Variants in UNC13A observed in about 807,000 individuals in gnomAD.
The protein encoded by UNC13A is protein unc-13 homolog A.
Under a neutral mutation model 219.7 loss-of-function variants are expected in UNC13A, and 61 were observed. That is an observed-to-expected ratio of 0.28 (90% CI 0.23 to 0.34). The LOEUF (loss-of-function observed/expected upper bound fraction) is 0.34, where lower values mean the gene tolerates loss of function less well. Ranked by LOEUF, UNC13A falls within the 10% of genes least tolerant of loss-of-function variation. The pLI, the probability that UNC13A is intolerant of heterozygous loss-of-function variation, is 1.00. For missense variants in UNC13A, 1,476 were observed against 2,270.3 expected, an observed-to-expected ratio of 0.65 and a Z score of 7.11; for synonymous variants, 920 against 884.6, an observed-to-expected ratio of 1.04 and a Z score of -0.71.
chr19:17,633,047 G>A (rs2076874011), intron 27 of UNC13A, 61 bp downstream of exon 27: 1 of 1,608,330 alleles, frequency 6.2e-7, no homozygotes. Context: ...CCTTGGAGGG[G>A]ACACAGAGGT....
chr19:17,662,520 A>G (rs757509130), intron 8 of UNC13A, among the ~76,000 whole-genome samples: 7 of 152,180 alleles, frequency 4.6e-5, no homozygotes, highest in Non-Finnish European at 8.8e-5. Context: ...GTGAACTTGA[A>G]TCATCCAGAA....
At chr19:17,617,954 T>C in intron 40 of UNC13A, 105 bp from the exon 41 acceptor site, 2 of 1,428,042 alleles carry the variant, frequency 1.4e-6, no homozygotes, top group Non-Finnish European at 1.9e-6. Flanking sequence ...CCGCTACTAC[T>C]TTCTCACCTC....
intron 11 of UNC13A, among the ~76,000 whole-genome samples, chr19:17,653,725 G>A (rs553091760): frequency 2.0e-5 from 3 of 151,656 alleles, no homozygotes; most frequent in African/African-American, 7.3e-5. Context: ...ACTCCTGAGT[G>A]CAAGTGAGCC....
rs7250113 is a variant in UNC13A at position 17,604,374 on chromosome 19, T to C, written c.*1680A>G. 0.18 allele frequency: 27,400 copies of C among 152,312 alleles called. 2,832 individuals are homozygous for C. Among genetic ancestry groups the C allele is most frequent in the Non-Finnish European group, 0.24 (16,565 of 68,104 alleles). 9.4% of individuals were successfully genotyped at this position (152,312 alleles called of 1,614,324 possible). On this transcript the variant is annotated 3_prime_UTR_variant, in exon 44 of 44. Transcript: ENST00000519716. Reference sequence around the variant, plus strand: ...ACCCCAAGGCTCCTCACGATCCCCCTTGCTGGCTCAGCTCCAGCCGTGCCA... The same window carrying C: ...ACCCCAAGGCTCCTCACGATCCCCCCTGCTGGCTCAGCTCCAGCCGTGCCA...
chr19:17,676,330 A>G (rs531837882), intron 1 of UNC13A, among the ~76,000 whole-genome samples: 7 of 152,058 alleles, frequency 4.6e-5, no homozygotes, highest in Admixed American at 1.3e-4. Context: ...CCTAGAATGG[A>G]AGGAAATTTG....
chr19:17,629,058 A>G (rs1461122003), intron 31 of UNC13A, among the ~76,000 whole-genome samples, 182 bp downstream of exon 31: 2 of 152,082 alleles, frequency 1.3e-5, no homozygotes, highest in African/African-American at 2.4e-5. Context: ...AGACACACAC[A>G]ACTAGATACA....
Position 17,649,723 on chromosome 19 carries a change from A to G in UNC13A, c.1440-136T>C, listed in dbSNP as rs1280833497. 2.3e-6 allele frequency: 2 copies of G among 872,712 alleles called. No individual in the cohort carries two copies. Among genetic ancestry groups the G allele is most frequent in the African/African-American group, 1.7e-5 (1 of 59,730 alleles). The allele number at this position is 872,712 out of a possible 1,614,324, so 54.1% of individuals were successfully genotyped here. On this transcript the variant is annotated intron_variant, in intron 12 of 43. Coordinates refer to ENST00000519716, the MANE Select transcript of UNC13A (RefSeq NM_001080421.3). The surrounding 1 kb of genome is among the most constrained non-coding windows in gnomAD (Gnocchi z 4.4). ...CAAAAAAAAGATACGCTGATGCCCT[A>G]ACCCCCACTACCTCAGAAGGTGACC... is the stretch of plus-strand genomic sequence containing the variant.
At position 17,601,890 on chromosome 19, in the gene UNC13A, C is replaced by G. The variant is rs1004629771; in HGVS notation, c.*4164G>C. 6.6e-6 allele frequency: 1 copy of G among 152,648 alleles called. No homozygotes were observed. Among genetic ancestry groups the G allele is most frequent in the African/African-American group, 2.4e-5 (1 of 41,452 alleles). The allele number at this position is 152,648 out of a possible 1,614,324, so 9.5% of individuals were successfully genotyped here. A position where few individuals can be genotyped will look rare whatever the true frequency, so the allele number is the denominator to read the frequency against. Reference sequence around the variant, plus strand: ...CCTCAACGATTCTTAGGAAAGGATTCTGGGGAGCAGACGGGGTTGTGATCC... The same window carrying G: ...CCTCAACGATTCTTAGGAAAGGATTGTGGGGAGCAGACGGGGTTGTGATCC... On this transcript the variant is annotated 3_prime_UTR_variant, in exon 44 of 44. Coordinates refer to ENST00000519716, the MANE Select transcript of UNC13A (RefSeq NM_001080421.3).
chr19:17,619,190 G>T (rs2076700413), intron 38 of UNC13A: 1 of 562,482 alleles, frequency 1.8e-6, no homozygotes, highest in South Asian at 2.4e-5. Flanking sequence ...CCCCACCCAG[G>T]CTTGTGTAAC....
intron 33 of UNC13A, 66 bp from the exon 34 acceptor site, chr19:17,626,851 T>C: frequency 1.3e-6 from 2 of 1,538,138 alleles, no homozygotes; most frequent in African/African-American, 2.7e-5. Context: ...GATGCTGATC[T>C]GTGGTCCTTG....
intron 19 of UNC13A, among the ~76,000 whole-genome samples, chr19:17,644,904 C>T (rs1303649086): frequency 3.9e-5 from 6 of 152,008 alleles, no homozygotes; most frequent in Admixed American, 3.9e-4. Context: ...GTTGCCCAGG[C>T]TGGTCTTGAA....
chr19:17,610,142 G>A (rs12185484), intron 42 of UNC13A, 43 bp from the exon 43 acceptor site: 1 of 1,610,094 alleles, frequency 6.2e-7, no homozygotes, highest in Non-Finnish European at 8.5e-7. Context: ...GGTTCTCCCA[G>A]TTGGAAAAAG....
intron 34 of UNC13A, 58 bp from the exon 35 acceptor site, chr19:17,625,010 C>T: frequency 1.9e-6 from 3 of 1,581,648 alleles, no homozygotes; most frequent in Non-Finnish European, 2.6e-6. Context: ...CACAGATCAC[C>T]TTCCCTTAAC....
At chr19:17,672,292 TA>T in intron 4 of UNC13A, 85 bp downstream of exon 4, 1 of 1,065,116 alleles carries the variant, frequency 9.4e-7, no homozygotes, top group Non-Finnish European at 1.4e-6. Context: ...GGATAGGAGA[TA>T]AATGCCCATC....
In UNC13A at chr19:17,606,004, C is replaced by T. The variant is rs2076521218; in HGVS notation, c.*50G>A. The T allele has an allele frequency of 1.4e-6, 2 of 1,383,998 alleles. No homozygotes were observed. The highest frequency in any genetic ancestry group is 3.9e-5 in the Admixed American group (1 of 25,412). The allele number at this position is 1,383,998 out of a possible 1,614,324, so 85.7% of individuals were successfully genotyped here. On this transcript the variant is annotated 3_prime_UTR_variant, in exon 44 of 44. Coordinates refer to ENST00000519716, the MANE Select transcript of UNC13A (RefSeq NM_001080421.3). ...CCAAGGCGCAAGCCCCGTCCCTCCC[C>T]GCCCAGCGCCCTCCGCGCAGGCGCA... is the stretch of plus-strand genomic sequence containing the variant.
intron 34 of UNC13A, chr19:17,626,378 A>C (rs536681698): frequency 3.3e-5 from 15 of 448,406 alleles, no homozygotes; most frequent in African/African-American, 2.6e-4. Context: ...CCATGCGTCC[A>C]CCCACCTACC....
chr19:17,673,225 T>C (rs2079824167), intron 3 of UNC13A, among the ~76,000 whole-genome samples: 1 of 150,172 alleles, frequency 6.7e-6, no homozygotes, highest in African/African-American at 2.5e-5. Context: ...GGCGTGGTGG[T>C]GCATGTCTGT....
Position 17,606,076 on chromosome 19 carries a change from C to G in UNC13A, c.5090G>C (p.Gly1697Ala). The G allele has an allele frequency of 6.3e-7, 1 of 1,582,306 alleles. No individual in the cohort carries two copies. The highest frequency in any genetic ancestry group is 8.6e-7 in the Non-Finnish European group (1 of 1,167,846). Reference sequence around the variant, plus strand: ...GCGCTAAGGCGCAGGCGCGGCACCGCCCTCCTCGGCGGAGCGCGTGTCCGA... The same window carrying G: ...GCGCTAAGGCGCAGGCGCGGCACCGGCCTCCTCGGCGGAGCGCGTGTCCGA... ...LKSDTRSAEE[G>A]GAAPAP Residue 1697 changes from glycine (G) to alanine (A), a missense_variant, in exon 44 of 44, where the codon GGC becomes GCC. Coordinates refer to ENST00000519716, the MANE Select transcript of UNC13A (RefSeq NM_001080421.3).
rs148883310 is a variant in UNC13A, at chr19:17,624,822, G to T, written c.4197+7C>A. ...AAATGTCCCCTCGGGCCCCCTGCAG[G>T]TCTCACCGTCTGGTCAGTGAGGGGC... On this transcript the variant is annotated splice_region_variant and intron_variant, in intron 35 of 43. Transcript: ENST00000519716. The T allele has an allele frequency of 2.5e-6, 4 of 1,611,988 alleles. No individual in the cohort carries two copies. The South Asian group carries it at 3.3e-5, about 13-fold the overall frequency.
Sources: gnomAD v4.1 joint callset for allele counts (sites outside exome capture counted in the v4.1 genomes callset) on GRCh38, gnomAD v4.1.1 for gene constraint, Gnocchi (gnomAD v3.1) non-coding constraint, MANE v1.5 for transcripts, NCBI Gene and HGNC (gene_info 2026-07-23, HGNC 2026-07-21) for gene names.